NCOA6: variants seen among roughly 807,000 people sequenced by gnomAD.
The protein encoded by NCOA6 is NRC RAP250.
NCOA6 carries 49 observed loss-of-function variants against 171.4 expected under a neutral mutation model. The observed-to-expected ratio is 0.29, with a 90% CI of 0.23 to 0.36. The LOEUF (loss-of-function observed/expected upper bound fraction) is 0.36. NCOA6 is among the 10% of genes least tolerant of loss of function. NCOA6 has a pLI of 1.00. For synonymous variants in NCOA6, 910 were observed against 927.5 expected, an observed-to-expected ratio of 0.98 and a Z score of 0.34; for missense variants, 2,248 against 2,554.5, an observed-to-expected ratio of 0.88 and a Z score of 2.59.
At chr20:34,736,956 C>T (rs1018476046) in intron 11 of NCOA6, among the ~76,000 whole-genome samples, 198 bp from the exon 12 acceptor site, 4 of 152,142 alleles carry the variant, frequency 2.6e-5, no homozygotes, top group Non-Finnish European at 1.5e-5. Flanking sequence ...GTACCAATGA[C>T]TACCATTTAG....
rs1320282322 is a variant in NCOA6 at position 34,757,533 on chromosome 20, C to T, written c.1215G>A (p.Lys405=). 3 of 1,613,820 alleles carry T rather than the reference C, an allele frequency of 1.9e-6. No individual in the cohort carries two copies. The Admixed American group carries it at 5.0e-5, about 27-fold the overall frequency. The change falls in exon 7 of 15, where the codon AAG becomes AAA. Residue 405 remains lysine (K), a synonymous_variant. Transcript: ENST00000359003. ...NPGQFTAPQM[K]SLQGGPSRVP... ...CCCTAGAGGGCCCTCCCTGCAAACT[C>T]TTCATCTGAGGAGCTGTGAACTGGC... is the stretch of plus-strand genomic sequence containing the variant.
chr20:34,738,275 A>G (rs2076018868), intron 11 of NCOA6, among the ~76,000 whole-genome samples: 1 of 152,162 alleles, frequency 6.6e-6, no homozygotes, highest in South Asian at 2.1e-4. Context: ...TTATAAGCAA[A>G]GTGAGTGTTC....
intron 13 of NCOA6, among the ~76,000 whole-genome samples, chr20:34,729,396 T>C (rs1029163908): frequency 1.3e-5 from 2 of 152,242 alleles, no homozygotes; most frequent in African/African-American, 4.8e-5. Context: ...TCTTTGTAAT[T>C]CTCTGATCTG....
At chr20:34,808,428 T>C (rs2078534702) in intron 1 of NCOA6, among the ~76,000 whole-genome samples, 1 of 151,244 alleles carries the variant, frequency 6.6e-6, no homozygotes, top group African/African-American at 2.4e-5. Context: ...TTCCCAAACT[T>C]GTCTGTGCTT....
At chr20:34,818,520 C>A (rs1402583675) in intron 1 of NCOA6, among the ~76,000 whole-genome samples, 1 of 152,124 alleles carries the variant, frequency 6.6e-6, no homozygotes, top group East Asian at 1.9e-4. Context: ...TCCAACAACA[C>A]CCTTATAACA....
intron 1 of NCOA6, chr20:34,809,556 G>A: frequency 2.5e-6 from 1 of 398,412 alleles, no homozygotes. Context: ...AGAGGAAGAA[G>A]AGAAACATCA....
chr20:34,785,938 C>T (rs976047959), intron 2 of NCOA6, among the ~76,000 whole-genome samples: 8 of 150,850 alleles, frequency 5.3e-5, no homozygotes, highest in Non-Finnish European at 7.4e-5. Context: ...GCTGGCTTTC[C>T]CTCCAGAAAA....
At chr20:34,761,223 C>T (rs1012572696) in intron 5 of NCOA6, among the ~76,000 whole-genome samples, 1 of 152,170 alleles carries the variant, frequency 6.6e-6, no homozygotes, top group Non-Finnish European at 1.5e-5. Context: ...TAACTTACAG[C>T]TCTGCTCAAT....
At chr20:34,793,174 A>C (rs1204947175) in intron 1 of NCOA6, among the ~76,000 whole-genome samples, 1 of 152,138 alleles carries the variant, frequency 6.6e-6, no homozygotes, top group African/African-American at 2.4e-5. Context: ...TAAGAATCAT[A>C]AAACTGTCAC....
Position 34,782,149 on chromosome 20 carries a change from C to T in NCOA6, c.207G>A (p.Leu69=). 1 of 1,602,766 alleles carries T rather than the reference C, an allele frequency of 6.2e-7. No homozygotes were observed. The highest frequency in any genetic ancestry group is 8.5e-7 in the Non-Finnish European group (1 of 1,174,448). The change falls in exon 3 of 15, where the codon TTG becomes TTA. Residue 69 remains leucine, a synonymous_variant. Transcript: ENST00000359003. ...KDFKWKLDAI[L]KNVPNLLHME... ...TGTGTAACAAATTGGGCACGTTTTT[C>T]AATATTGCATCTAATTTCCATTTGA...
At chr20:34,783,734 T>C (rs11167245) in intron 2 of NCOA6, among the ~76,000 whole-genome samples, 69,225 of 151,904 alleles carry the variant, frequency 0.46, 16,232 homozygotes, top group East Asian at 0.63. Context: ...GCAATTCTCC[T>C]GCCTCAGCCT....
intron 9 of NCOA6, among the ~76,000 whole-genome samples, chr20:34,747,708 G>C (rs974524032): frequency 2.6e-5 from 4 of 152,004 alleles, no homozygotes; most frequent in Non-Finnish European, 5.9e-5. Context: ...ATTATACTCT[G>C]TACAGTTTCA....
chr20:34,818,645 T>C (rs1387133617), intron 1 of NCOA6, among the ~76,000 whole-genome samples: 2 of 152,204 alleles, frequency 1.3e-5, no homozygotes, highest in Non-Finnish European at 2.9e-5. Flanking sequence ...AGTATTAAGA[T>C]ACTAACTATT....
intron 1 of NCOA6, among the ~76,000 whole-genome samples, chr20:34,803,706 T>C (rs1476170261): frequency 6.6e-6 from 1 of 152,020 alleles, no homozygotes; most frequent in Non-Finnish European, 1.5e-5. Flanking sequence ...TTCAAAGAAG[T>C]TCATCACTGA....
At chr20:34,767,988 G>T (rs1299345863) in intron 5 of NCOA6, among the ~76,000 whole-genome samples, 4 of 152,088 alleles carry the variant, frequency 2.6e-5, no homozygotes, top group African/African-American at 4.8e-5. Flanking sequence ...ACTAGAAAAG[G>T]AAGCAATTTA....
At chr20:34,810,392 G>C (rs1447678491) in intron 1 of NCOA6, among the ~76,000 whole-genome samples, 1 of 151,896 alleles carries the variant, frequency 6.6e-6, no homozygotes, top group East Asian at 1.9e-4. Context: ...TTAAGACTAT[G>C]AAAAAAATAA....
intron 5 of NCOA6, among the ~76,000 whole-genome samples, chr20:34,760,815 A>G (rs1326143810): frequency 1.3e-5 from 2 of 152,184 alleles, no homozygotes; most frequent in Non-Finnish European, 2.9e-5. Context: ...TTCATATACT[A>G]TAATATTCAC....
chr20:34,775,978 CTAAA>C (rs1020536858), intron 4 of NCOA6, among the ~76,000 whole-genome samples: 2 of 152,064 alleles, frequency 1.3e-5, no homozygotes, highest in African/African-American at 2.4e-5. Flanking sequence ...AACCACACAA[CTAAA>C]TAAATAAATA....
intron 14 of NCOA6, among the ~76,000 whole-genome samples, chr20:34,725,069 G>A (rs568775975): frequency 1.2e-4 from 18 of 152,194 alleles, no homozygotes; most frequent in South Asian, 2.1e-4. Context: ...GATTACAGGC[G>A]TGAGCCACTG....
Sources: allele counts gnomAD v4.1 joint callset (sites outside exome capture counted in the v4.1 genomes callset), GRCh38; gene constraint gnomAD v4.1.1; transcripts MANE v1.5; gene names NCBI Gene and HGNC (gene_info 2026-07-23, HGNC 2026-07-21).